PBRM1: variants seen among roughly 807,000 people sequenced by gnomAD.
The protein encoded by PBRM1 is protein polybromo-1.
Under a neutral mutation model 194.5 loss-of-function variants are expected in PBRM1, and 27 were observed. The observed-to-expected ratio is 0.14, with a 90% CI of 0.10 to 0.19. PBRM1 has a LOEUF of 0.19. Among genes scored for constraint, PBRM1 ranks in the 10% least tolerant of loss-of-function variants. The pLI is 1.00. For synonymous variants in PBRM1, 655 were observed against 693.2 expected, an observed-to-expected ratio of 0.94 and a Z score of 0.87; for missense variants, 1,466 against 2,077.2, an observed-to-expected ratio of 0.71 and a Z score of 5.72.
chr3:52,681,865 G>A (rs1290784555), upstream of PBRM1: 1 of 209,286 alleles, frequency 4.8e-6, no homozygotes, highest in Non-Finnish European at 8.8e-6. Context: ...TAGAAAAGAA[G>A]GGTCAGAAGG....
intron 8 of PBRM1, among the ~76,000 whole-genome samples, chr3:52,644,448 G>A (rs1048276931): frequency 5.9e-5 from 9 of 151,708 alleles, no homozygotes; most frequent in South Asian, 2.1e-4. Flanking sequence ...GCAGTGGTGC[G>A]GTCTCAGCTC....
At chr3:52,680,663 CTT>C (rs1198226613), upstream of PBRM1, among the ~76,000 whole-genome samples, 1 of 151,904 alleles carries the variant, frequency 6.6e-6, no homozygotes, top group East Asian at 1.9e-4. Context: ...TTCTTTCTTT[CTT>C]TCTTTCTTTT....
At chr3:52,634,865 G>C (rs752208023) in intron 10 of PBRM1, 50 bp from the exon 12 acceptor site, 10 of 1,255,138 alleles carry the variant, frequency 8.0e-6, no homozygotes, top group Non-Finnish European at 3.5e-6. Flanking sequence ...GATGAAGAAA[G>C]AACCATACTT....
chr3:52,603,644 G>A (rs1370481342), exon 17 of PBRM1: 1 of 1,613,542 alleles, frequency 6.2e-7, no homozygotes, highest in Non-Finnish European at 8.5e-7. Context: ...GGTGAAAGAA[G>A]AATCTCTCCA....
chr3:52,681,261 C>A (rs1176173804), upstream of PBRM1: 1 of 151,898 alleles, frequency 6.6e-6, no homozygotes, highest in African/African-American at 2.4e-5. Flanking sequence ...AAAAGAATCA[C>A]ATTTGAAAAT....
chr3:52,675,887 G>A (rs907465012), intron 2 of PBRM1, among the ~76,000 whole-genome samples: 1 of 115,088 alleles, frequency 8.7e-6, no homozygotes, highest in South Asian at 2.4e-4. Flanking sequence ...AGGCCGAGGC[G>A]GGCGGATCAC....
chr3:52,614,976 T>G (rs1215108629), intron 15 of PBRM1, among the ~76,000 whole-genome samples: 1 of 152,170 alleles, frequency 6.6e-6, no homozygotes, highest in Non-Finnish European at 1.5e-5. Flanking sequence ...TTCTGTCCAG[T>G]TGGAACTGCT....
chr3:52,613,615 A>C (rs1044167449), intron 15 of PBRM1, among the ~76,000 whole-genome samples: 3 of 152,086 alleles, frequency 2.0e-5, no homozygotes, highest in Admixed American at 2.0e-4. Flanking sequence ...ACGCACTGGA[A>C]TTACAGGAGC....
intron 5 of PBRM1, among the ~76,000 whole-genome samples, chr3:52,655,853 A>C (rs1034349091): frequency 9.2e-5 from 14 of 152,212 alleles, no homozygotes; most frequent in Non-Finnish European, 8.8e-5. Flanking sequence ...TCAGTCAACA[A>C]GCATCTTGCA....
intron 6 of PBRM1, among the ~76,000 whole-genome samples, chr3:52,650,621 A>G (rs1412826665): frequency 6.6e-6 from 1 of 152,106 alleles, no homozygotes; most frequent in East Asian, 1.9e-4. Context: ...AACCCTTCTT[A>G]TCCTGGGAAG....
chr3:52,576,991 AC>A (rs1321763465), intron 21 of PBRM1, among the ~76,000 whole-genome samples: 2 of 152,262 alleles, frequency 1.3e-5, no homozygotes, highest in Non-Finnish European at 2.9e-5. Context: ...TCTTCCTGAG[AC>A]GTTCATGATG....
chr3:52,643,122 ACAGATT>A (rs1162022807), intron 9 of PBRM1, 120 bp downstream of exon 10: 1 of 723,956 alleles, frequency 1.4e-6, no homozygotes, highest in Non-Finnish European at 2.5e-6. Flanking sequence ...CCATTTGACA[ACAGATT>A]CTCATTAACA....
downstream of PBRM1, chr3:52,545,848 C>A (rs944656450): frequency 3.4e-5 from 8 of 232,828 alleles, no homozygotes; most frequent in African/African-American, 1.8e-4. Flanking sequence ...TTTCTTGAGT[C>A]AATTTTTTTT....
At chr3:52,551,396 G>A (rs2080962625) in intron 27 of PBRM1, among the ~76,000 whole-genome samples, 1 of 152,166 alleles carries the variant, frequency 6.6e-6, no homozygotes, top group African/African-American at 2.4e-5. Flanking sequence ...TGATAGAGTA[G>A]CACTCTGAAA....
chr3:52,639,503 C>T (rs1426044953), intron 10 of PBRM1, among the ~76,000 whole-genome samples: 1 of 151,440 alleles, frequency 6.6e-6, no homozygotes, highest in East Asian at 1.9e-4. Context: ...GTAGCCTCAA[C>T]CTCCCAGGCT....
At chr3:52,674,135 A>C (rs2097025421) in intron 2 of PBRM1, among the ~76,000 whole-genome samples, 1 of 151,846 alleles carries the variant, frequency 6.6e-6, no homozygotes, top group Admixed American at 6.6e-5. Context: ...AAAATTAAAC[A>C]GTTGGTTTTT....
intron 25 of PBRM1, among the ~76,000 whole-genome samples, chr3:52,560,160 T>TCC (rs1223195337): frequency 6.6e-6 from 1 of 152,154 alleles, no homozygotes; most frequent in African/African-American, 2.4e-5. Context: ...CCATCACCTC[T>TCC]CCCTCTCTTC....
chr3:52,577,025 A>G (rs542112406), intron 21 of PBRM1, among the ~76,000 whole-genome samples: 1 of 152,322 alleles, frequency 6.6e-6, no homozygotes, highest in South Asian at 2.1e-4. Flanking sequence ...AGCATTTGTC[A>G]TTGGACTTGT....
At chr3:52,635,227 C>CT (rs1005890518) in intron 10 of PBRM1, among the ~76,000 whole-genome samples, 2 of 151,688 alleles carry the variant, frequency 1.3e-5, no homozygotes, top group Non-Finnish European at 2.9e-5. Flanking sequence ...ACGCCTGGCC[C>CT]TTTTTTAAAA....
Sources: gnomAD v4.1 joint callset for allele counts (sites outside exome capture counted in the v4.1 genomes callset) on GRCh38, gnomAD v4.1.1 for gene constraint, MANE v1.5 for transcripts, NCBI Gene and HGNC (gene_info 2026-07-23, HGNC 2026-07-21) for gene names.